MYOM1: variants seen among roughly 807,000 people sequenced by gnomAD.
MYOM1 encodes myomesin 1.
Under a neutral mutation model 205.3 loss-of-function variants are expected in MYOM1, and 164 were observed. That is an observed-to-expected ratio of 0.80 (90% CI 0.70 to 0.91). The LOEUF is 0.91. MYOM1 is among the 40% of genes least tolerant of loss of function. The probability of loss-of-function intolerance (pLI) is 0.00; values close to 1 mark genes in which losing one functional copy is unlikely to be tolerated. For missense variants in MYOM1, 2,011 were observed against 2,127.3 expected (o/e 0.95, Z 1.08); for synonymous variants, 772 against 789.4 (o/e 0.98, Z 0.37).
intron 2 of MYOM1, among the ~76,000 whole-genome samples, chr18:3,201,396 G>A (rs1354952607): frequency 1.9e-4 from 28 of 149,276 alleles, no homozygotes; most frequent in African/African-American, 6.7e-4. Context: ...GTGAGACTCC[G>A]TCTCAAAAAA....
intron 33 of MYOM1, among the ~76,000 whole-genome samples, chr18:3,081,085 C>T (rs1319271083): frequency 1.3e-4 from 19 of 150,918 alleles, no homozygotes; most frequent in African/African-American, 4.6e-4. Context: ...GAGCCGGGAT[C>T]ACGCCACTGC....
intron 26 of MYOM1, chr18:3,093,589 AT>A (rs1300109916): frequency 6.6e-6 from 1 of 152,126 alleles, no homozygotes; most frequent in East Asian, 1.9e-4. Flanking sequence ...CTCTTTTAGA[AT>A]TTGTCTAGCA....
intron 2 of MYOM1, 103 bp from the exon 3 acceptor site, chr18:3,194,061 C>G (rs1028276178): frequency 1.3e-5 from 15 of 1,162,598 alleles, no homozygotes; most frequent in Non-Finnish European, 1.8e-5. Context: ...TTACCAAATC[C>G]TAGATCTCTA....
At chr18:3,117,243 T>C (rs1014992710) in intron 20 of MYOM1, among the ~76,000 whole-genome samples, 1 of 152,206 alleles carries the variant, frequency 6.6e-6, no homozygotes, top group Non-Finnish European at 1.5e-5. Context: ...TTTGATGGCA[T>C]ATGAATATAG....
rs776286600 is a variant in MYOM1, at chr18:3,135,717, G to T, written c.2039C>A (p.Thr680Lys). 5 of 1,613,822 alleles carry T rather than the reference G, an allele frequency of 3.1e-6. No homozygotes were observed. Among genetic ancestry groups the T allele is most frequent in the Non-Finnish European group, 4.2e-6 (5 of 1,179,848 alleles). Residue 680 changes from threonine to lysine, a missense_variant, in exon 15 of 38, where the codon ACA becomes AAA. Transcript: ENST00000356443. This position sits in a 1 kb window ranked among gnomAD's most constrained non-coding sequence, Gnocchi z 4.1. Reference sequence around the variant, plus strand: ...CGTGTTCACTCGCTGCCAGTTTTCTGTTCCTGCCTCACACTGCAGCAAGAA... The same window carrying T: ...CGTGTTCACTCGCTGCCAGTTTTCTTTTCCTGCCTCACACTGCAGCAAGAA... The part of the protein sequence containing the change: ...MYFVEKCEAG[T>K]ENWQRVNTEL...
At chr18:3,108,703 G>C (rs2079484071) in intron 22 of MYOM1, among the ~76,000 whole-genome samples, 1 of 152,100 alleles carries the variant, frequency 6.6e-6, no homozygotes, top group Admixed American at 6.6e-5. Flanking sequence ...ACCACACCCA[G>C]CTAATTTTTG....
At chr18:3,190,277 C>T (rs1244391794) in intron 3 of MYOM1, 1 of 152,168 alleles carries the variant, frequency 6.6e-6, no homozygotes, top group Non-Finnish European at 1.5e-5. Flanking sequence ...TTGATTACAT[C>T]GAAGATTCTC....
chr18:3,126,852 C>T lies in MYOM1; in HGVS notation c.2840G>A (p.Arg947His), dbSNP rs764056484. ...PCDITCLESF[R>H]DSMVLGWKQP... is the part of the protein sequence containing the mutation. ...CTTCCATCCAAGAACCATTGAGTCA[C>T]GAAAACTTTCAAGACAGGTGATATC... The change falls in exon 19 of 38, where the codon CGT becomes CAT. Residue 947 changes from arginine to histidine, a missense_variant. Transcript: ENST00000356443. The T allele has an allele frequency of 1.4e-5, 23 of 1,612,742 alleles. No homozygotes were observed. The highest frequency in any genetic ancestry group is 1.8e-5 in the Non-Finnish European group (21 of 1,179,470).
intron 33 of MYOM1, among the ~76,000 whole-genome samples, 152 bp from the exon 34 acceptor site, chr18:3,079,494 T>C (rs540554419): frequency 6.6e-6 from 1 of 152,292 alleles, no homozygotes; most frequent in East Asian, 1.9e-4. Flanking sequence ...AGAAAAATTA[T>C]GGGCCATGAC....
intron 36 of MYOM1, 58 bp downstream of exon 36, chr18:3,075,396 T>C (rs1436510996): frequency 2.6e-6 from 4 of 1,519,166 alleles, no homozygotes; most frequent in Non-Finnish European, 3.6e-6. Flanking sequence ...CAAAATAAAA[T>C]TATCTTTTGA....
In MYOM1 at chr18:3,135,042, G is replaced by T; in HGVS notation, c.2210-218C>A. The T allele has an allele frequency of 2.1e-6, 1 of 476,588 alleles. No homozygotes were observed. The highest frequency in any genetic ancestry group is 3.8e-6 in the Non-Finnish European group (1 of 264,644). 29.5% of individuals were successfully genotyped at this position (476,588 alleles called of 1,614,324 possible). On this transcript the variant is annotated intron_variant, in intron 15 of 37. Coordinates refer to ENST00000356443, the MANE Select transcript of MYOM1 (RefSeq NM_003803.4). The surrounding 1 kb of genome is among the most constrained non-coding windows in gnomAD (Gnocchi z 4.1). Reference sequence around the variant, plus strand: ...CGGCTCACTGCAGCCCCCACCTCCTGGGTTCAGGCAATTTTCCCACCTCAG... The same window carrying T: ...CGGCTCACTGCAGCCCCCACCTCCTTGGTTCAGGCAATTTTCCCACCTCAG...
intron 13 of MYOM1, among the ~76,000 whole-genome samples, chr18:3,146,624 G>A (rs62076869): frequency 6.6e-6 from 1 of 151,996 alleles, no homozygotes; most frequent in East Asian, 1.9e-4. Flanking sequence ...TCCTCAACTT[G>A]ATAAAGGATA....
chr18:3,220,142 AG>A (rs1372871381), upstream of MYOM1: 23 of 152,358 alleles, frequency 1.5e-4, no homozygotes, highest in Non-Finnish European at 2.6e-4. Flanking sequence ...AACCAAATAT[AG>A]GGTTTTTATT....
At chr18:3,074,408 T>G (rs752709570) in intron 36 of MYOM1, among the ~76,000 whole-genome samples, 4 of 152,198 alleles carry the variant, frequency 2.6e-5, no homozygotes, top group Admixed American at 1.3e-4. Flanking sequence ...TTGCTCCTTC[T>G]CCCTGTCCCC....
In MYOM1 at chr18:3,193,834, G is replaced by A. The variant is rs776259956; in HGVS notation, c.415C>T (p.Pro139Ser). Reference protein sequence around the residue: ...KENLPSDYMVPIFSGRQKHVS... With the variant: ...KENLPSDYMVSIFSGRQKHVS... Reference sequence around the variant, plus strand: ...CACACTCACCGTCCTGAGAAAATGGGTACCATGTAGTCACTGGGCAAATTT... The same window carrying A: ...CACACTCACCGTCCTGAGAAAATGGATACCATGTAGTCACTGGGCAAATTT... The change falls in exon 3 of 38, where the codon CCC (proline) becomes TCC (serine). Residue 139 changes from proline to serine, a missense_variant. Physicochemically the swap from Pro to Ser is moderately conservative, Grantham distance 74. Coordinates refer to ENST00000356443, the MANE Select transcript of MYOM1 (RefSeq NM_003803.4). 1 of 1,612,986 alleles carries A rather than the reference G, an allele frequency of 6.2e-7. No homozygotes were observed. Among genetic ancestry groups the A allele is most frequent in the South Asian group, 1.1e-5 (1 of 90,862 alleles).
chr18:3,074,787 G>A (rs4797098), intron 36 of MYOM1, among the ~76,000 whole-genome samples: 88,515 of 152,060 alleles, frequency 0.58, 28,398 homozygotes, highest in African/African-American at 0.88. Flanking sequence ...CAAATTTACA[G>A]TTTTCTATTT....
intron 29 of MYOM1, among the ~76,000 whole-genome samples, chr18:3,088,230 G>A (rs866823690): frequency 2.6e-5 from 4 of 152,098 alleles, no homozygotes; most frequent in Non-Finnish European, 2.9e-5. Context: ...GGGATGTGTG[G>A]GCTTTTGAAA....
intron 10 of MYOM1, 104 bp downstream of exon 10, chr18:3,164,174 C>T: frequency 4.7e-6 from 6 of 1,282,802 alleles, no homozygotes; most frequent in Non-Finnish European, 6.5e-6. Flanking sequence ...TGAAATGACT[C>T]TTCCATCATT....
At chr18:3,147,728 A>G (rs2080150437) in intron 13 of MYOM1, among the ~76,000 whole-genome samples, 1 of 152,230 alleles carries the variant, frequency 6.6e-6, no homozygotes, top group Non-Finnish European at 1.5e-5. Flanking sequence ...AATGGTGCCA[A>G]TACAAATTCG....
Sources: gnomAD v4.1 joint callset for allele counts (sites outside exome capture counted in the v4.1 genomes callset) on GRCh38, gnomAD v4.1.1 for gene constraint, Gnocchi (gnomAD v3.1) non-coding constraint, MANE v1.5 for transcripts, NCBI Gene and HGNC (gene_info 2026-07-23, HGNC 2026-07-21) for gene names.